ANKRD27: variants seen among roughly 807,000 people sequenced by gnomAD.
ANKRD27 encodes ankyrin repeat domain 27, also known as ankyrin repeat domain-containing protein 27.
ANKRD27 carries 112 observed loss-of-function variants against 129.7 expected under a neutral mutation model. That is an observed-to-expected ratio of 0.86 (90% CI 0.74 to 1.01). The LOEUF is 1.01. Ranked by LOEUF, ANKRD27 falls within the 50% of genes least tolerant of loss-of-function variation. ANKRD27 has a pLI of 0.00. For synonymous variants in ANKRD27, 516 were observed against 511.2 expected (o/e 1.01, Z -0.13); for missense variants, 1,258 against 1,300.5 (o/e 0.97, Z 0.50).
intron 3 of ANKRD27, among the ~76,000 whole-genome samples, chr19:32,648,535 G>A (rs546371170): frequency 4.6e-5 from 7 of 152,244 alleles, no homozygotes; most frequent in South Asian, 4.1e-4. Context: ...GCGCGGTGGC[G>A]CACGCCTGTA....
At position 32,643,147 on chromosome 19, in the gene ANKRD27, T is replaced by C; in HGVS notation, c.758A>G (p.Asp253Gly). Reference protein sequence around the residue: ...TRSLQDLQQKDIGVKPEFSFN... With the variant: ...TRSLQDLQQKGIGVKPEFSFN... Reference sequence around the variant, plus strand: ...CCTGAACTCCGGTTTCACACCAATATCTTTCTGCTGAAGATCTTGAAGGCT... The same window carrying C: ...CCTGAACTCCGGTTTCACACCAATACCTTTCTGCTGAAGATCTTGAAGGCT... Residue 253 changes from aspartate to glycine, a missense_variant, in exon 9 of 29, where the codon GAT becomes GGT. Coordinates refer to ENST00000306065, the MANE Select transcript of ANKRD27 (RefSeq NM_032139.3). The C allele has an allele frequency of 6.2e-7, 1 of 1,613,900 alleles. No homozygotes were observed. Among genetic ancestry groups the C allele is most frequent in the Non-Finnish European group, 8.5e-7 (1 of 1,179,994 alleles).
chr19:32,639,534 C>G, intron 11 of ANKRD27, 46 bp from the exon 12 acceptor site: 1 of 1,583,698 alleles, frequency 6.3e-7, no homozygotes, highest in Non-Finnish European at 8.6e-7. Flanking sequence ...ATCCAAGTCA[C>G]ACTTCTGCAA....
chr19:32,646,373 T>C (rs1471243030), intron 4 of ANKRD27, 86 bp downstream of exon 4: 2 of 1,424,040 alleles, frequency 1.4e-6, no homozygotes, highest in Non-Finnish European at 1.9e-6. Flanking sequence ...CCGGCCTTGT[T>C]TAACCTTTCA....
chr19:32,644,284 G>C (rs375633030), intron 5 of ANKRD27, 41 bp downstream of exon 5: 29 of 1,596,144 alleles, frequency 1.8e-5, no homozygotes, highest in African/African-American at 5.4e-5. Flanking sequence ...GCACTGAACC[G>C]AGACAGGGCA....
intron 2 of ANKRD27, among the ~76,000 whole-genome samples, chr19:32,656,692 G>A (rs75236365): frequency 2.6e-5 from 4 of 151,820 alleles, no homozygotes; most frequent in African/African-American, 7.3e-5. Context: ...GGCTGAGGCA[G>A]AAGGACTGCT....
At chr19:32,617,753 GT>G (rs375079407) in intron 20 of ANKRD27, 120 bp from the exon 21 acceptor site, 47,751 of 291,972 alleles carry the variant, frequency 0.16, 716 homozygotes, top group Middle Eastern at 0.23. Flanking sequence ...GTCTGATTTA[GT>G]TTTTTTTTTT....
chr19:32,644,279 G>C, intron 5 of ANKRD27, 46 bp downstream of exon 5: 1 of 1,595,376 alleles, frequency 6.3e-7, no homozygotes, highest in East Asian at 2.3e-5. Flanking sequence ...ACCCTGCACT[G>C]AACCGAGACA....
rs773343460 is a variant in ANKRD27, at chr19:32,599,744, T to A, written c.2879A>T (p.Asp960Val). 6.2e-7 allele frequency: 1 copy of A among 1,613,910 alleles called. No individual in the cohort carries two copies. The highest frequency in any genetic ancestry group is 1.1e-5 in the South Asian group (1 of 90,976). The change falls in exon 28 of 29, where the codon GAT (aspartate) becomes GTT (valine). Residue 960 changes from aspartate to valine, a missense_variant. Transcript: ENST00000306065. The stretch of plus-strand genomic sequence containing the variant: ...TTCGGTTAAATTAGGGACACTTCTA[T>A]CTCTTGCCATAATCTCCCTTGAAGT... ...GKTSREIMAR[D>V]RSVPNLTEGS... is the part of the protein sequence containing the mutation.
At chr19:32,659,073 A>G in intron 1 of ANKRD27, 28 bp from the exon 2 acceptor site, 2 of 1,239,590 alleles carry the variant, frequency 1.6e-6, no homozygotes, top group Non-Finnish European at 2.4e-6. Context: ...AAAGCAGTGA[A>G]TAGCCATTTT....
chr19:32,626,068 C>A, intron 16 of ANKRD27, 102 bp from the exon 17 acceptor site: 1 of 772,604 alleles, frequency 1.3e-6, no homozygotes, highest in East Asian at 3.0e-5. Context: ...CATCTTCGAT[C>A]TTATTTATGC....
intron 26 of ANKRD27, among the ~76,000 whole-genome samples, chr19:32,600,477 G>T (rs1054268589): frequency 1.3e-5 from 2 of 152,066 alleles, no homozygotes; most frequent in Non-Finnish European, 2.9e-5. Context: ...GGAGGCAGAG[G>T]TTGCAGTGAG....
chr19:32,615,762 A>T lies in ANKRD27; in HGVS notation c.2071T>A (p.Trp691Arg). Residue 691 changes from tryptophan to arginine, a missense_variant, in exon 22 of 29, where the codon TGG becomes AGG. Coordinates refer to ENST00000306065, the MANE Select transcript of ANKRD27 (RefSeq NM_032139.3). The stretch of plus-strand genomic sequence containing the variant: ...GCATCCTCCAGGTCCTCCTCTGTCC[A>T]TTCCAACAGGTAACGCACCTGGTGA... ...DLEMVRYLLE[W>R]TEEDLEDAED... The T allele has an allele frequency of 1.2e-6, 2 of 1,613,628 alleles. No individual in the cohort carries two copies. Among genetic ancestry groups the T allele is most frequent in the Non-Finnish European group, 1.7e-6 (2 of 1,179,746 alleles).
Position 32,628,033 on chromosome 19 carries a change from AC to A in ANKRD27, c.1420+49del, listed in dbSNP as rs1966921954. 4 of 1,564,486 alleles carry A rather than the reference AC, an allele frequency of 2.6e-6. No homozygotes were observed. In the East Asian group the frequency reaches 9.0e-5, roughly 35 times the overall value. On this transcript the variant is annotated intron_variant, in intron 15 of 28. Transcript: ENST00000306065. ...GCCTCTCTGCTGGGTCACCTTGGGC[AC>A]CATCCCTTTGCTGTGACAGCCCCTA... is the stretch of plus-strand genomic sequence containing the variant.
intron 12 of ANKRD27, among the ~76,000 whole-genome samples, chr19:32,636,839 C>G (rs574188298): frequency 1.3e-5 from 2 of 151,820 alleles, no homozygotes; most frequent in African/African-American, 4.8e-5. Context: ...CCTCTGCCTC[C>G]CGGATTAATG....
chr19:32,643,038 C>G (rs1423538026), intron 9 of ANKRD27, 85 bp downstream of exon 9: 2 of 1,351,664 alleles, frequency 1.5e-6, no homozygotes, highest in Admixed American at 3.6e-5. Flanking sequence ...AGCGTGTCAC[C>G]TCTGCCACCG....
At chr19:32,610,609 T>C (rs1444308821) in intron 22 of ANKRD27, among the ~76,000 whole-genome samples, 4 of 150,778 alleles carry the variant, frequency 2.7e-5, no homozygotes, top group African/African-American at 7.3e-5. Flanking sequence ...ATGGCCAATA[T>C]GGCAAAACCC....
At chr19:32,632,775 A>ACC in intron 12 of ANKRD27, among the ~76,000 whole-genome samples, 1 of 151,648 alleles carries the variant, frequency 6.6e-6, no homozygotes, top group South Asian at 2.1e-4. Context: ...CTGCCAGAAA[A>ACC]CCCCCAAACC....
chr19:32,653,255 T>C (rs1446695051), intron 2 of ANKRD27, among the ~76,000 whole-genome samples: 3 of 152,140 alleles, frequency 2.0e-5, no homozygotes, highest in Non-Finnish European at 2.9e-5. Flanking sequence ...TTAGCTCGGA[T>C]GAAAGTTAGT....
At position 32,607,636 on chromosome 19, in the gene ANKRD27, T is replaced by C. The variant is rs148998323; in HGVS notation, c.2372A>G (p.Gln791Arg). 1.2e-6 allele frequency: 2 copies of C among 1,610,908 alleles called. No individual in the cohort carries two copies. The highest frequency in any genetic ancestry group is 1.7e-6 in the Non-Finnish European group (2 of 1,179,418). The change falls in exon 23 of 29, where the codon CAG becomes CGG. Residue 791 changes from glutamine to arginine, a missense_variant and splice_region_variant. By Grantham distance (43) the Gln-to-Arg change is conservative. Transcript: ENST00000306065. ...LHLACQQGHF[Q>R]VVKCLLDSNA... ...CCACCCCCAACACACAGCCCGAACC[T>C]GAAAGTGGCCCTGCTGGCAGGCCAG...
Sources: allele counts gnomAD v4.1 joint callset (sites outside exome capture counted in the v4.1 genomes callset), GRCh38; gene constraint gnomAD v4.1.1; transcripts MANE v1.5; gene names NCBI Gene and HGNC (gene_info 2026-07-23, HGNC 2026-07-21).